AKAP7: variants seen among roughly 807,000 people sequenced by gnomAD.
The protein encoded by AKAP7 is A kinase (PRKA) anchor protein 7.
A neutral mutation model predicts 39.5 loss-of-function variants in AKAP7; 39 were observed. The ratio of observed to expected loss-of-function variants is 0.99; its 90% CI spans 0.76 to 1.29. The LOEUF (loss-of-function observed/expected upper bound fraction) is 1.29. Ranked by LOEUF, AKAP7 falls within the 50% of genes most tolerant of loss-of-function variation. The pLI is 0.00. For synonymous variants in AKAP7, 140 were observed against 139.1 expected, an observed-to-expected ratio of 1.01 and a Z score of -0.05; for missense variants, 414 against 407.7, an observed-to-expected ratio of 1.02 and a Z score of -0.13.
chr6:131,224,418 G>A (rs10046185), intron 7 of AKAP7, among the ~76,000 whole-genome samples: 3,846 of 152,008 alleles, frequency 0.025, 101 homozygotes, highest in African/African-American at 0.068. Flanking sequence ...TAATACCGTG[G>A]GACAGATTTC....
chr6:131,211,343 A>C (rs910265356), intron 6 of AKAP7, among the ~76,000 whole-genome samples: 4 of 152,102 alleles, frequency 2.6e-5, no homozygotes, highest in Admixed American at 1.3e-4. Context: ...TTCTTTCTTA[A>C]TTTTTGAAAT....
chr6:131,211,880 T>C (rs771823067), intron 6 of AKAP7, among the ~76,000 whole-genome samples: 8 of 151,954 alleles, frequency 5.3e-5, no homozygotes, highest in Non-Finnish European at 1.0e-4. Flanking sequence ...CCATCATAAA[T>C]TGAACAAGTT....
At chr6:131,265,993 G>A (rs1813766438) in intron 7 of AKAP7, among the ~76,000 whole-genome samples, 1 of 152,138 alleles carries the variant, frequency 6.6e-6, no homozygotes, top group Non-Finnish European at 1.5e-5. Context: ...GCAGAGTTTG[G>A]GGGCTTAATG....
At chr6:131,234,323 T>G (rs1810859629) in intron 7 of AKAP7, among the ~76,000 whole-genome samples, 1 of 152,118 alleles carries the variant, frequency 6.6e-6, no homozygotes, top group Admixed American at 6.6e-5. Flanking sequence ...TAGTGGGAAG[T>G]CATGCAAACA....
At chr6:131,201,832 C>T (rs1478942736) in intron 6 of AKAP7, among the ~76,000 whole-genome samples, 2 of 152,060 alleles carry the variant, frequency 1.3e-5, no homozygotes, top group African/African-American at 4.8e-5. Flanking sequence ...TTTCCCAGCA[C>T]CATTTATTAA....
At chr6:131,247,298 T>C (rs1562241764) in intron 7 of AKAP7, among the ~76,000 whole-genome samples, 2 of 128,074 alleles carry the variant, frequency 1.6e-5, no homozygotes, top group East Asian at 2.2e-4. Flanking sequence ...TATATATATA[T>C]ATATATATAT....
At chr6:131,227,418 C>T (rs1463841784) in intron 7 of AKAP7, among the ~76,000 whole-genome samples, 1 of 152,110 alleles carries the variant, frequency 6.6e-6, no homozygotes, top group Non-Finnish European at 1.5e-5. Flanking sequence ...TAGTTACATA[C>T]ACTGAGGCAG....
chr6:131,202,195 A>AGT (rs1404188671), intron 6 of AKAP7, among the ~76,000 whole-genome samples: 1 of 150,004 alleles, frequency 6.7e-6, no homozygotes, highest in Non-Finnish European at 1.5e-5. Flanking sequence ...TGTGGAAGTC[A>AGT]GTGTGGCCAT....
At chr6:131,148,892 G>A (rs1314180553) in intron 2 of AKAP7, among the ~76,000 whole-genome samples, 2 of 152,150 alleles carry the variant, frequency 1.3e-5, no homozygotes, top group Non-Finnish European at 2.9e-5. Flanking sequence ...CATGGTAGAT[G>A]GCAACCTCAA....
upstream of AKAP7, among the ~76,000 whole-genome samples, chr6:131,132,480 T>C (rs1800350241): frequency 6.6e-6 from 1 of 152,102 alleles, no homozygotes; most frequent in Admixed American, 6.5e-5. Context: ...TGCCCATTCC[T>C]CCCTGACTAT....
chr6:131,278,198 C>T (rs577355376), intron 7 of AKAP7, among the ~76,000 whole-genome samples: 1 of 151,808 alleles, frequency 6.6e-6, no homozygotes, highest in Non-Finnish European at 1.5e-5. Context: ...ACTGAGAAGC[C>T]GAGGATATAA....
chr6:131,234,866 C>T (rs1423101068), intron 7 of AKAP7, among the ~76,000 whole-genome samples: 3 of 151,172 alleles, frequency 2.0e-5, no homozygotes, highest in African/African-American at 4.9e-5. Context: ...TTATATTTGT[C>T]TAATGATCAG....
At chr6:131,213,790 G>T (rs1051160003) in intron 6 of AKAP7, among the ~76,000 whole-genome samples, 7 of 152,222 alleles carry the variant, frequency 4.6e-5, no homozygotes, top group African/African-American at 1.4e-4. Context: ...TGAGAAGAAA[G>T]AATTGAGGTT....
intron 2 of AKAP7, among the ~76,000 whole-genome samples, chr6:131,157,680 A>G (rs73775930): frequency 0.035 from 5,300 of 152,258 alleles, 279 homozygotes; most frequent in African/African-American, 0.12. Flanking sequence ...AATTCTTATA[A>G]CACAGATAAA....
rs762446280 is a variant in AKAP7, at chr6:131,163,621, A to G, written c.292-1460A>G. On this transcript the variant is annotated intron_variant, in intron 3 of 7. Coordinates refer to ENST00000431975, the MANE Select transcript of AKAP7 (RefSeq NM_016377.4). ...TTTAAACACATTCTTAGAAGTTCGG[A>G]ATTCTTTATTAGTGGAAAATCTTGA... Among the ~76,000 whole-genome samples the G allele has an allele frequency of 2.4e-4, 36 of 152,246 alleles. 1 individual carries two copies. Among genetic ancestry groups the G allele is most frequent in the South Asian group, 6.2e-4 (3 of 4,816 alleles).
upstream of AKAP7, among the ~76,000 whole-genome samples, chr6:131,132,530 T>A (rs1800351033): frequency 6.6e-6 from 1 of 152,084 alleles, no homozygotes; most frequent in Non-Finnish European, 1.5e-5. Flanking sequence ...CAATATACAC[T>A]GGCACAGTGC....
At chr6:131,175,990 A>G (rs1585014782) in intron 5 of AKAP7, among the ~76,000 whole-genome samples, 2 of 152,340 alleles carry the variant, frequency 1.3e-5, no homozygotes, top group South Asian at 2.1e-4. Context: ...TAAAACTTCT[A>G]TTAAATAAAT....
intron 2 of AKAP7, among the ~76,000 whole-genome samples, chr6:131,148,556 G>A (rs1417169928): frequency 3.9e-5 from 6 of 151,944 alleles, no homozygotes; most frequent in African/African-American, 7.3e-5. Context: ...GTAAAATAAC[G>A]AATAAATGTT....
At chr6:131,185,388 C>T (rs1430213903) in intron 5 of AKAP7, 1 of 531,508 alleles carries the variant, frequency 1.9e-6, no homozygotes, top group South Asian at 1.7e-5. Flanking sequence ...ATGCTGTGCT[C>T]AGCACAGAGG....
Sources: allele counts gnomAD v4.1 joint callset (sites outside exome capture counted in the v4.1 genomes callset), GRCh38; gene constraint gnomAD v4.1.1; transcripts MANE v1.5; gene names NCBI Gene and HGNC (gene_info 2026-07-23, HGNC 2026-07-21).